CLDN10: variants seen among roughly 807,000 people sequenced by gnomAD.
CLDN10 encodes claudin 10.
Under a neutral mutation model 22.9 loss-of-function variants are expected in CLDN10, and 15 were observed. That is an observed-to-expected ratio of 0.65 (90% CI 0.44 to 1.01). The LOEUF (loss-of-function observed/expected upper bound fraction) is 1.01, where lower values mean the gene tolerates loss of function less well. CLDN10 is among the 50% of genes least tolerant of loss of function. CLDN10 has a pLI of 0.00. For missense variants in CLDN10, 247 were observed against 287.8 expected (o/e 0.86, Z 1.03); for synonymous variants, 114 against 111.4 (o/e 1.02, Z -0.15).
intron 1 of CLDN10, among the ~76,000 whole-genome samples, chr13:95,473,475 G>C (rs2042655956): frequency 6.6e-6 from 1 of 152,248 alleles, no homozygotes; most frequent in Non-Finnish European, 1.5e-5. Context: ...CAAGTGATGA[G>C]GATGGGGGGC....
intron 1 of CLDN10, among the ~76,000 whole-genome samples, chr13:95,436,598 T>A (rs7993213): frequency 1.6e-4 from 25 of 152,002 alleles, no homozygotes; most frequent in African/African-American, 6.0e-4. Flanking sequence ...TGACAATGCT[T>A]CCCTAAGAAC....
intron 1 of CLDN10, among the ~76,000 whole-genome samples, chr13:95,536,540 T>C (rs1167051035): frequency 6.6e-6 from 1 of 152,244 alleles, no homozygotes; most frequent in Non-Finnish European, 1.5e-5. Context: ...CTTTGGCTAC[T>C]GTTTTCTAGA....
At chr13:95,517,369 G>A (rs898463608) in intron 1 of CLDN10, among the ~76,000 whole-genome samples, 2 of 152,158 alleles carry the variant, frequency 1.3e-5, no homozygotes, top group East Asian at 1.9e-4. Flanking sequence ...GACACCCCCC[G>A]AACCTAGGGA....
chr13:95,485,173 G>C (rs1594553732), intron 1 of CLDN10, among the ~76,000 whole-genome samples: 2 of 152,196 alleles, frequency 1.3e-5, no homozygotes, highest in African/African-American at 4.8e-5. Context: ...GGCAGGCTTT[G>C]TAGTAACAAG....
intron 1 of CLDN10, among the ~76,000 whole-genome samples, chr13:95,524,308 A>G (rs189619492): frequency 2.6e-5 from 4 of 152,270 alleles, no homozygotes; most frequent in Admixed American, 2.6e-4. Flanking sequence ...CTATTTAATT[A>G]TTTTGAGATA....
rs1035948836 is a variant in CLDN10 at position 95,579,737 on chromosome 13, A to G, written c.*1723A>G. On this transcript the variant is annotated 3_prime_UTR_variant, in exon 5 of 5. Transcript: ENST00000299339. ...GAACAAGTTTGTTAAAAGATAAAAA[A>G]TAAAAAAAATTCCATACCTTGATAA... 3 of 152,260 alleles carry G rather than the reference A, an allele frequency of 2.0e-5. No individual in the cohort carries two copies. Among genetic ancestry groups the G allele is most frequent in the African/African-American group, 7.2e-5 (3 of 41,474 alleles). 9.4% of individuals were successfully genotyped at this position (152,260 alleles called of 1,614,324 possible). A position where few individuals can be genotyped will look rare whatever the true frequency, so the allele number is the denominator to read the frequency against.
chr13:95,509,322 T>C (rs2043071455), intron 1 of CLDN10, among the ~76,000 whole-genome samples: 1 of 152,188 alleles, frequency 6.6e-6, no homozygotes. Context: ...CTAGGTCTGT[T>C]TACAATGGCA....
intron 1 of CLDN10, 93 bp from the exon 2 acceptor site, chr13:95,560,039 A>G: frequency 4.8e-6 from 6 of 1,252,498 alleles, no homozygotes; most frequent in Non-Finnish European, 6.7e-6. Context: ...ATCTTTTTGG[A>G]AAACAAACAT....
At chr13:95,570,575 G>C (rs2043840877) in intron 3 of CLDN10, among the ~76,000 whole-genome samples, 1 of 152,070 alleles carries the variant, frequency 6.6e-6, no homozygotes, top group Non-Finnish European at 1.5e-5. Context: ...AGGTGGTGGA[G>C]AGGAGAAGGG....
intron 1 of CLDN10, among the ~76,000 whole-genome samples, chr13:95,528,033 T>G (rs1253891755): frequency 6.6e-6 from 1 of 152,142 alleles, no homozygotes; most frequent in Non-Finnish European, 1.5e-5. Context: ...CATCAAGTAG[T>G]TGTTTCTAGG....
At chr13:95,471,440 C>CACACATATATATATATATATATAT (rs746573300) in intron 1 of CLDN10, among the ~76,000 whole-genome samples, 2 of 104,404 alleles carry the variant, frequency 1.9e-5, no homozygotes, top group East Asian at 3.3e-4. Flanking sequence ...CACACACACA[C>CACACATATATATATATATATATAT]ATATATATAT....
chr13:95,493,253 C>T (rs1186985547), intron 1 of CLDN10, among the ~76,000 whole-genome samples: 1 of 151,882 alleles, frequency 6.6e-6, no homozygotes, highest in African/African-American at 2.4e-5. Flanking sequence ...GGTGCCCCTT[C>T]CTTGCCAGCC....
intron 1 of CLDN10, among the ~76,000 whole-genome samples, chr13:95,443,884 C>A (rs568866819): frequency 2.6e-5 from 4 of 152,218 alleles, no homozygotes; most frequent in African/African-American, 9.6e-5. Flanking sequence ...CAGCAAGGCC[C>A]CAAGTGCCAG....
intron 1 of CLDN10, among the ~76,000 whole-genome samples, chr13:95,477,913 C>CA (rs1385353235): frequency 6.6e-6 from 1 of 152,142 alleles, no homozygotes; most frequent in East Asian, 1.9e-4. Flanking sequence ...AGTCCTCTAA[C>CA]AATGAAAGCC....
chr13:95,551,044 G>C (rs1312320420), upstream of CLDN10, among the ~76,000 whole-genome samples: 2 of 151,984 alleles, frequency 1.3e-5, no homozygotes, highest in Non-Finnish European at 2.9e-5. Flanking sequence ...ATCAGGACAA[G>C]CTGGGGTTCA....
At chr13:95,503,329 T>A (rs760571387) in intron 1 of CLDN10, among the ~76,000 whole-genome samples, 1 of 152,160 alleles carries the variant, frequency 6.6e-6, no homozygotes. Flanking sequence ...GTGGCTAATA[T>A]TGAGGGTTAA....
intron 1 of CLDN10, among the ~76,000 whole-genome samples, chr13:95,542,967 C>T (rs994026609): frequency 6.6e-6 from 1 of 152,058 alleles, no homozygotes; most frequent in African/African-American, 2.4e-5. Context: ...CATGATGGCT[C>T]ATGCCTGTAA....
chr13:95,571,699 T>C (rs1799184975), intron 3 of CLDN10, among the ~76,000 whole-genome samples: 1 of 152,222 alleles, frequency 6.6e-6, no homozygotes, highest in Admixed American at 6.5e-5. Flanking sequence ...CATGCAGTTA[T>C]ATAGATCTTA....
intron 1 of CLDN10, among the ~76,000 whole-genome samples, chr13:95,477,687 C>A (rs1460389594): frequency 6.6e-6 from 1 of 152,212 alleles, no homozygotes; most frequent in Non-Finnish European, 1.5e-5. Flanking sequence ...GCCAACCCTA[C>A]TGTGGATGGT....
Sources: gnomAD v4.1 joint callset for allele counts (sites outside exome capture counted in the v4.1 genomes callset) on GRCh38, gnomAD v4.1.1 for gene constraint, MANE v1.5 for transcripts, NCBI Gene and HGNC (gene_info 2026-07-23, HGNC 2026-07-21) for gene names.